CAST: variants seen among roughly 807,000 people sequenced by gnomAD.
CAST encodes the protein calpastatin.
A neutral mutation model predicts 119.6 loss-of-function variants in CAST; 76 were observed. The ratio of observed to expected loss-of-function variants is 0.64; its 90% CI spans 0.53 to 0.77. CAST has a LOEUF of 0.77. Ranked by LOEUF, CAST falls within the 30% of genes least tolerant of loss-of-function variation. CAST has a pLI of 0.00. For synonymous variants in CAST, 319 were observed against 331.6 expected (o/e 0.96, Z 0.41); for missense variants, 953 against 946.5 (o/e 1.01, Z -0.09).
At chr5:96,394,990 G>A in the CAST span, 2 of 1,613,930 alleles carry the variant, frequency 1.2e-6, no homozygotes, top group Non-Finnish European at 1.7e-6. Flanking sequence ...TCAGCTTCCA[G>A]TTCACAATTC....
the CAST span, among the ~76,000 whole-genome samples, chr5:96,162,404 T>A: frequency 6.6e-6 from 1 of 152,072 alleles, no homozygotes; most frequent in African/African-American, 2.4e-5. Context: ...TAGCACGGGA[T>A]GGTATATTGT....
chr5:96,410,072 G>A, the CAST span, among the ~76,000 whole-genome samples: 20 of 152,196 alleles, frequency 1.3e-4, no homozygotes, highest in Non-Finnish European at 2.2e-4. Context: ...TAAATTGGGG[G>A]CCTTACATTT....
chr5:96,038,930 C>T, the CAST span, among the ~76,000 whole-genome samples: 2 of 152,104 alleles, frequency 1.3e-5, no homozygotes, highest in African/African-American at 4.8e-5. Context: ...AGTTCTAGAT[C>T]CTTGAGGAAT....
At position 96,737,905 on chromosome 5, in the gene CAST, A is replaced by G; in HGVS notation, c.756A>G (p.Glu252=). The G allele has an allele frequency of 6.2e-7, 1 of 1,609,548 alleles. No homozygotes were observed. The highest frequency in any genetic ancestry group is 2.2e-5 in the East Asian group (1 of 44,852). The part of the protein sequence containing the change: ...DLIDTLGGPE[E]TEEENTTYTG... ...TAGATACTTTAGGAGGACCTGAAGA[A>G]ACTGAAGAAGAAAATACAACGTATA... The change falls in exon 11 of 32, where the codon GAA becomes GAG. Residue 252 remains glutamate, a synonymous_variant. Transcript: ENST00000675179.
At chr5:96,422,793 G>A in the CAST span, among the ~76,000 whole-genome samples, 1 of 152,098 alleles carries the variant, frequency 6.6e-6, no homozygotes, top group African/African-American at 2.4e-5. Context: ...AAACAATGAA[G>A]CAAATTGTTT....
chr5:96,173,281 G>A, the CAST span, among the ~76,000 whole-genome samples: 2 of 152,214 alleles, frequency 1.3e-5, no homozygotes, highest in African/African-American at 2.4e-5. Context: ...TCATGTAAAG[G>A]AGCAGGAACT....
chr5:96,541,407 A>G (rs1745910686), intron 1 of CAST, among the ~76,000 whole-genome samples: 1 of 151,824 alleles, frequency 6.6e-6, no homozygotes, highest in South Asian at 2.1e-4. Flanking sequence ...CATATTGCAT[A>G]TTTTCTTCCC....
the CAST span, among the ~76,000 whole-genome samples, chr5:96,225,024 A>G: frequency 6.6e-6 from 1 of 152,226 alleles, no homozygotes; most frequent in African/African-American, 2.4e-5. Flanking sequence ...CCCACCCATC[A>G]TGTTGGCAGG....
chr5:96,328,804 A>G, the CAST span, among the ~76,000 whole-genome samples: 2 of 152,136 alleles, frequency 1.3e-5, no homozygotes, highest in African/African-American at 4.8e-5. Flanking sequence ...ATTGTGGAAA[A>G]GCGAAGCAAA....
In CAST at chr5:96,675,567, C is replaced by T; in HGVS notation, c.104C>T (p.Pro35Leu). Residue 35 changes from proline to leucine, a missense_variant, in exon 2 of 32, where the codon CCT (proline) becomes CTT (leucine). Coordinates refer to ENST00000675179, the MANE Select transcript of CAST (RefSeq NM_001750.7). ...GTCAGTGAAAAAACCAGTGAATCGC[C>T]TTCCAAACCAGGAGAAAAGAAAGGA... Reference protein sequence around the residue: ...EHVSEKTSESPSKPGEKKGSD... With the variant: ...EHVSEKTSESLSKPGEKKGSD... The T allele has an allele frequency of 6.2e-7, 1 of 1,613,508 alleles. No homozygotes were observed. The highest frequency in any genetic ancestry group is 1.1e-5 in the South Asian group (1 of 91,072).
chr5:96,633,843 C>T (rs981151479), intron 1 of CAST, among the ~76,000 whole-genome samples: 11 of 152,224 alleles, frequency 7.2e-5, no homozygotes, highest in African/African-American at 2.7e-4. Flanking sequence ...GAAACACACT[C>T]TACATCAGTC....
chr5:96,074,652 A>C, the CAST span, among the ~76,000 whole-genome samples: 1 of 152,256 alleles, frequency 6.6e-6, no homozygotes, highest in Non-Finnish European at 1.5e-5. Flanking sequence ...AAAGAATCTG[A>C]CTATGCAAAA....
intron 1 of CAST, among the ~76,000 whole-genome samples, chr5:96,544,552 A>C (rs1009781675): frequency 6.6e-6 from 1 of 152,172 alleles, no homozygotes; most frequent in African/African-American, 2.4e-5. Flanking sequence ...AGTGTTATGT[A>C]AAACTGGGAT....
Position 96,774,444 on chromosome 5 carries a change from C to T in CAST, c.*1828C>T. ...ACAGGATCTAAAGCAGCCCTTTTTACAGTCTAGTTAGGAGAGAGAAAATAA... is the reference window on the plus strand; with the variant it reads ...ACAGGATCTAAAGCAGCCCTTTTTATAGTCTAGTTAGGAGAGAGAAAATAA... On this transcript the variant is annotated 3_prime_UTR_variant, in exon 32 of 32. Coordinates refer to ENST00000675179, the MANE Select transcript of CAST (RefSeq NM_001750.7). The T allele has an allele frequency of 1.1e-6, 1 of 915,420 alleles. No individual in the cohort carries two copies. Among genetic ancestry groups the T allele is most frequent in the Non-Finnish European group, 1.3e-6 (1 of 764,278 alleles). 56.7% of individuals were successfully genotyped at this position (915,420 alleles called of 1,614,324 possible).
chr5:96,346,778 C>A, the CAST span, among the ~76,000 whole-genome samples: 6 of 152,076 alleles, frequency 3.9e-5, no homozygotes, highest in East Asian at 5.8e-4. Context: ...TGTTCTGTGA[C>A]CCCCATCTGT....
At chr5:96,311,800 T>C in the CAST span, among the ~76,000 whole-genome samples, 1 of 152,054 alleles carries the variant, frequency 6.6e-6, no homozygotes, top group Non-Finnish European at 1.5e-5. Flanking sequence ...AAGTATGTCC[T>C]TAAAAGTGAA....
chr5:96,735,831 A>G (rs1761519063), intron 9 of CAST, among the ~76,000 whole-genome samples: 1 of 152,228 alleles, frequency 6.6e-6, no homozygotes, highest in African/African-American at 2.4e-5. Context: ...GGCAGCCTAT[A>G]GAAAGAATTC....
the CAST span, among the ~76,000 whole-genome samples, chr5:96,474,981 G>A: frequency 6.6e-6 from 1 of 152,124 alleles, no homozygotes; most frequent in East Asian, 1.9e-4. Flanking sequence ...ATAATAATAC[G>A]TAAAACTGTG....
At chr5:96,239,472 T>A in the CAST span, among the ~76,000 whole-genome samples, 1 of 152,064 alleles carries the variant, frequency 6.6e-6, no homozygotes, top group Non-Finnish European at 1.5e-5. Flanking sequence ...GAGTATAAAC[T>A]TTATTAGATT....
Sources: allele counts gnomAD v4.1 joint callset (sites outside exome capture counted in the v4.1 genomes callset), GRCh38; gene constraint gnomAD v4.1.1; transcripts MANE v1.5; gene names NCBI Gene and HGNC (gene_info 2026-07-23, HGNC 2026-07-21).